The following NRP1 variants were observed in gnomAD, a reference collection of about 807,000 sequenced individuals.
NRP1 encodes neuropilin-1.
NRP1 carries 35 observed loss-of-function variants against 106.7 expected under a neutral mutation model. The observed-to-expected ratio is 0.33, with a 90% confidence interval of 0.25 to 0.43. NRP1 has a LOEUF of 0.43. Among genes scored for constraint, NRP1 ranks in the 20% least tolerant of loss-of-function variants. The probability of loss-of-function intolerance (pLI) is 1.00; values close to 1 mark genes in which losing one functional copy is unlikely to be tolerated. For missense variants in NRP1, 1,024 were observed against 1,170.4 expected (o/e 0.87, Z 1.83); for synonymous variants, 437 against 417.9 (o/e 1.05, Z -0.56).
chr10:33,316,535 G>A (rs977548021), intron 2 of NRP1, among the ~76,000 whole-genome samples: 1 of 152,220 alleles, frequency 6.6e-6, no homozygotes, highest in East Asian at 1.9e-4. Flanking sequence ...TATTATCTGA[G>A]CCTAGTGGCT....
intron 2 of NRP1, among the ~76,000 whole-genome samples, chr10:33,328,507 T>G (rs556395850): frequency 1.3e-5 from 2 of 152,272 alleles, no homozygotes; most frequent in South Asian, 4.1e-4. Flanking sequence ...GTAGGAAGAT[T>G]TTTATATTAC....
intron 13 of NRP1, among the ~76,000 whole-genome samples, chr10:33,187,253 A>G (rs1836072382): frequency 3.3e-5 from 5 of 152,166 alleles, no homozygotes. Flanking sequence ...AATCATTGAG[A>G]TGTATTTTTA....
chr10:33,276,478 A>G (rs527897285), intron 2 of NRP1, among the ~76,000 whole-genome samples: 17 of 152,348 alleles, frequency 1.1e-4, no homozygotes, highest in African/African-American at 3.8e-4. Flanking sequence ...ATGTTCTCAC[A>G]TGTATGATCT....
At chr10:33,222,382 C>T (rs909168092) in intron 7 of NRP1, among the ~76,000 whole-genome samples, 5 of 152,108 alleles carry the variant, frequency 3.3e-5, no homozygotes, top group African/African-American at 4.8e-5. Context: ...CACACTAATG[C>T]GTGACTTTAA....
intron 15 of NRP1, among the ~76,000 whole-genome samples, chr10:33,183,236 A>T (rs972798598): frequency 2.0e-4 from 30 of 151,498 alleles, no homozygotes; most frequent in African/African-American, 7.3e-4. Context: ...TGCCCAGGAG[A>T]TGGAGTTTAC....
chr10:33,234,765 G>A (rs1219214943), intron 6 of NRP1, among the ~76,000 whole-genome samples: 1 of 152,154 alleles, frequency 6.6e-6, no homozygotes, highest in African/African-American at 2.4e-5. Flanking sequence ...TTAAATTAAA[G>A]GAGAGCATTT....
rs781478517 is a variant in NRP1 at position 33,186,211 on chromosome 10, T to A, written c.2334+6A>T. 7.5e-6 allele frequency: 12 copies of A among 1,589,664 alleles called. No individual in the cohort carries two copies. Among genetic ancestry groups the A allele is most frequent in the Non-Finnish European group, 9.4e-6 (11 of 1,165,908 alleles). ...TGCCCTCCCCAGCCTTGGGAAGAGG[T>A]CATACCTGATAAAGTTTCAGAGACT... On this transcript the variant is annotated splice_donor_region_variant and intron_variant, in intron 14 of 16. Transcript: ENST00000374867.
chr10:33,180,242 A>C lies in NRP1; in HGVS notation c.2606T>G (p.Val869Gly). 1.2e-6 allele frequency: 2 copies of C among 1,613,828 alleles called. No homozygotes were observed. The highest frequency in any genetic ancestry group is 1.1e-5 in the South Asian group (1 of 91,058). The part of the protein sequence containing the change: ...ITIIAMSALG[V>G]LLGAVCGVVL... ...GACCCCACAGACAGCCCCCAGGAGGACCCCCAGGGCACTCATGGCTATGAT... is the reference window on the plus strand; with the variant it reads ...GACCCCACAGACAGCCCCCAGGAGGCCCCCCAGGGCACTCATGGCTATGAT... The change falls in exon 17 of 17, where the codon GTC becomes GGC. Residue 869 changes from valine to glycine, a missense_variant. Physicochemically the swap from Val to Gly is moderately radical, Grantham distance 109. Around this residue, in one of 5 missense-constraint regions of NRP1, gnomAD observed 164 missense variants for 161.4 expected, o/e 1.02. Coordinates refer to ENST00000374867, the MANE Select transcript of NRP1 (RefSeq NM_003873.7).
At chr10:33,278,985 T>C (rs1843912839) in intron 2 of NRP1, among the ~76,000 whole-genome samples, 1 of 151,764 alleles carries the variant, frequency 6.6e-6, no homozygotes, top group Non-Finnish European at 1.5e-5. Context: ...AAAGAAAAAA[T>C]TTGTAAGAAA....
intron 12 of NRP1, chr10:33,194,597 C>A: frequency 2.4e-6 from 1 of 409,486 alleles, no homozygotes; most frequent in Non-Finnish European, 5.1e-6. Context: ...ATGTCCTTCC[C>A]CATCCTGTAC....
At chr10:33,227,046 C>T (rs908663150) in intron 6 of NRP1, among the ~76,000 whole-genome samples, 3 of 152,132 alleles carry the variant, frequency 2.0e-5, no homozygotes, top group African/African-American at 7.2e-5. Flanking sequence ...GAGTTTGACT[C>T]TTTTTGTCCA....
chr10:33,318,280 T>A (rs71495024), intron 2 of NRP1, among the ~76,000 whole-genome samples: 387 of 152,308 alleles, frequency 2.5e-3, no homozygotes, highest in Non-Finnish European at 4.5e-3. Context: ...GGTGCCATAA[T>A]GAGCCATTCA....
At chr10:33,224,892 G>A (rs947896516) in intron 7 of NRP1, among the ~76,000 whole-genome samples, 5 of 152,086 alleles carry the variant, frequency 3.3e-5, no homozygotes, top group African/African-American at 7.2e-5. Context: ...CAGCTCTCCC[G>A]GCTCTCTCTG....
At chr10:33,263,460 T>TA (rs1482732360) in intron 4 of NRP1, among the ~76,000 whole-genome samples, 186 bp downstream of exon 4, 6 of 152,362 alleles carry the variant, frequency 3.9e-5, no homozygotes, top group African/African-American at 1.4e-4. Context: ...TTGGACTAGA[T>TA]AATTACTAAG....
chr10:33,238,121 C>G (rs949330930), intron 6 of NRP1, among the ~76,000 whole-genome samples: 1 of 152,206 alleles, frequency 6.6e-6, no homozygotes, highest in Non-Finnish European at 1.5e-5. Flanking sequence ...TGTGTGGCTT[C>G]ACTGCCTCTG....
intron 2 of NRP1, among the ~76,000 whole-genome samples, chr10:33,322,960 T>C (rs1417097707): frequency 1.3e-5 from 2 of 152,184 alleles, no homozygotes; most frequent in Non-Finnish European, 2.9e-5. Flanking sequence ...AACTATTTAT[T>C]TGGGTTCTGT....
Position 33,319,007 on chromosome 10 carries a change from T to C in NRP1, c.248+11701A>G, listed in dbSNP as rs750070595. Among the ~76,000 whole-genome samples, 482 of 138,160 alleles carry C rather than the reference T, an allele frequency of 3.5e-3. 4 individuals carry two copies. The highest frequency in any genetic ancestry group is 4.6e-3 in the Non-Finnish European group (290 of 62,772). 90.6% of individuals were successfully genotyped at this position (138,160 alleles called of 152,430 possible). ...AGAGAACTTTTCTTTTCTTTCTTTTTTTTTTTTTTTTTTTTGAGACGGAGT... is the reference window on the plus strand; with the variant it reads ...AGAGAACTTTTCTTTTCTTTCTTTTCTTTTTTTTTTTTTTTGAGACGGAGT... On this transcript the variant is annotated intron_variant, in intron 2 of 16. Transcript: ENST00000374867.
At chr10:33,290,329 G>A (rs1454215161) in intron 2 of NRP1, among the ~76,000 whole-genome samples, 1 of 146,508 alleles carries the variant, frequency 6.8e-6, no homozygotes, top group Non-Finnish European at 1.5e-5. Context: ...CTCATTTTGT[G>A]TGTCTTTGTT....
intron 2 of NRP1, among the ~76,000 whole-genome samples, chr10:33,325,434 A>C (rs2132923779): frequency 6.6e-6 from 1 of 152,308 alleles, no homozygotes; most frequent in South Asian, 2.1e-4. Flanking sequence ...TAATAAAGAA[A>C]GATTAAAACA....
Sources: allele counts gnomAD v4.1 joint callset (sites outside exome capture counted in the v4.1 genomes callset), GRCh38; gene constraint gnomAD v4.1.1; regional missense constraint gnomAD v4.1.1; transcripts MANE v1.5; gene names NCBI Gene and HGNC (gene_info 2026-07-23, HGNC 2026-07-21).